The following SGCD variants were observed in gnomAD, a reference collection of about 807,000 sequenced individuals.
The protein encoded by SGCD is sarcoglycan delta, also known as delta-sarcoglycan.
A neutral mutation model predicts 36.6 loss-of-function variants in SGCD; 18 were observed. That is an observed-to-expected ratio of 0.49 (90% CI 0.34 to 0.73). The LOEUF (loss-of-function observed/expected upper bound fraction) is 0.73. Ranked by LOEUF, SGCD falls within the 30% of genes least tolerant of loss-of-function variation. The pLI is 0.01. For missense variants in SGCD, 387 were observed against 346.7 expected (o/e 1.12, Z -0.92); for synonymous variants, 133 against 130.6 (o/e 1.02, Z -0.12).
At chr5:156,092,033 G>C (rs966173496) in intron 1 of SGCD, among the ~76,000 whole-genome samples, 2 of 152,216 alleles carry the variant, frequency 1.3e-5, no homozygotes, top group African/African-American at 4.8e-5. Flanking sequence ...GCTTCTGGGG[G>C]TCCAGCAATC....
intron 7 of SGCD, among the ~76,000 whole-genome samples, chr5:156,669,519 C>T (rs1365751808): frequency 2.0e-5 from 3 of 152,158 alleles, no homozygotes; most frequent in Middle Eastern, 3.4e-3. Context: ...TAAGGATAAG[C>T]AGTTTGAAAG....
At chr5:156,695,527 A>AGATAGATAGATAGATAGATG (rs1754284387) in intron 7 of SGCD, among the ~76,000 whole-genome samples, 2 of 53,034 alleles carry the variant, frequency 3.8e-5, no homozygotes, top group African/African-American at 8.1e-5. Flanking sequence ...ATAGATAGAT[A>AGATAGATAGATAGATAGATG]GATAGATAGA....
intron 3 of SGCD, among the ~76,000 whole-genome samples, chr5:156,257,700 C>T (rs1310673920): frequency 6.6e-6 from 1 of 151,934 alleles, no homozygotes; most frequent in Non-Finnish European, 1.5e-5. Context: ...CCCGTGTCTA[C>T]TAAAAACACA....
the SGCD span, among the ~76,000 whole-genome samples, chr5:155,778,553 C>T: frequency 6.6e-6 from 1 of 152,120 alleles, no homozygotes; most frequent in Admixed American, 6.6e-5. Flanking sequence ...ATTGTTAACA[C>T]GGAAATGCCA....
At chr5:156,086,181 T>C (rs190338121) in intron 1 of SGCD, among the ~76,000 whole-genome samples, 2 of 152,274 alleles carry the variant, frequency 1.3e-5, no homozygotes, top group African/African-American at 4.8e-5. Flanking sequence ...TTGTCTTATA[T>C]AGCAGAATGC....
At chr5:156,109,129 A>G (rs1761721823) in intron 1 of SGCD, among the ~76,000 whole-genome samples, 2 of 152,202 alleles carry the variant, frequency 1.3e-5, no homozygotes, top group South Asian at 4.1e-4. Context: ...AAAATTTGAC[A>G]GGTGGCTCCT....
chr5:155,819,318 A>G, the SGCD span, among the ~76,000 whole-genome samples: 1 of 152,126 alleles, frequency 6.6e-6, no homozygotes, highest in African/African-American at 2.4e-5. Flanking sequence ...CTCTTTCCAA[A>G]TGAGAATAAC....
chr5:156,488,136 T>A lies in SGCD; in HGVS notation c.193-20465T>A, dbSNP rs1233768908. On this transcript the variant is annotated intron_variant, in intron 3 of 8. Transcript: ENST00000337851. ...TTTTTTTTTTTTTTAAATAACCCAG[T>A]TAGACAAAAAATAAAAAGAAAACAG... 3.0e-5 allele frequency among the ~76,000 whole-genome samples: 4 copies of A among 133,220 alleles called. No homozygotes were observed. The South Asian group carries it at 9.3e-4, about 31-fold the overall frequency. 87.4% of individuals were successfully genotyped at this position (133,220 alleles called of 152,430 possible).
chr5:156,574,426 C>T (rs17640346), intron 4 of SGCD, among the ~76,000 whole-genome samples: 35,296 of 152,094 alleles, frequency 0.23, 4,699 homozygotes, highest in Non-Finnish European at 0.31. Context: ...GGTACTGTTA[C>T]TATCTCCATT....
At chr5:156,566,353 A>G (rs1306339025) in intron 4 of SGCD, among the ~76,000 whole-genome samples, 1 of 152,204 alleles carries the variant, frequency 6.6e-6, no homozygotes, top group Non-Finnish European at 1.5e-5. Flanking sequence ...TTTAGATGGC[A>G]TGCTATTTTA....
At chr5:156,729,282 C>T (rs1329768500) in intron 7 of SGCD, among the ~76,000 whole-genome samples, 1 of 152,162 alleles carries the variant, frequency 6.6e-6, no homozygotes, top group Non-Finnish European at 1.5e-5. Context: ...AGAACAAGTC[C>T]TTCTTATAGC....
chr5:156,045,775 C>A (rs960116000), intron 1 of SGCD, among the ~76,000 whole-genome samples: 2 of 152,130 alleles, frequency 1.3e-5, no homozygotes, highest in African/African-American at 4.8e-5. Flanking sequence ...CCTGAAGACA[C>A]TAATCCTATC....
At chr5:156,729,321 C>T (rs760020252) in intron 7 of SGCD, among the ~76,000 whole-genome samples, 1 of 152,192 alleles carries the variant, frequency 6.6e-6, no homozygotes, top group Non-Finnish European at 1.5e-5. Flanking sequence ...CCCTGACTGG[C>T]ATTGACAGTA....
At chr5:155,962,138 C>A (rs1017453617) in intron 1 of SGCD, among the ~76,000 whole-genome samples, 7 of 152,050 alleles carry the variant, frequency 4.6e-5, no homozygotes, top group Admixed American at 2.6e-4. Context: ...AGTTACATAG[C>A]AGTCAGGGGG....
intron 4 of SGCD, among the ~76,000 whole-genome samples, chr5:156,565,759 A>C (rs1001451195): frequency 2.0e-5 from 3 of 151,874 alleles, no homozygotes; most frequent in South Asian, 4.2e-4. Context: ...ATGTGTTCTC[A>C]TAGTTCAACT....
At chr5:156,120,410 TG>T (rs1374897833) in intron 2 of SGCD, among the ~76,000 whole-genome samples, 3 of 152,176 alleles carry the variant, frequency 2.0e-5, no homozygotes, top group Non-Finnish European at 4.4e-5. Context: ...TGTAGGAATT[TG>T]TCATGTCTAC....
chr5:156,615,393 T>C (rs1439033851), intron 6 of SGCD, among the ~76,000 whole-genome samples: 1 of 152,244 alleles, frequency 6.6e-6, no homozygotes, highest in Non-Finnish European at 1.5e-5. Context: ...AGTTACATTA[T>C]TATCAATTGA....
At chr5:156,444,668 C>T (rs548012276) in intron 3 of SGCD, among the ~76,000 whole-genome samples, 16 of 152,086 alleles carry the variant, frequency 1.1e-4, no homozygotes, top group Non-Finnish European at 2.1e-4. Flanking sequence ...AAGGTTCTGT[C>T]CTGAAACTAC....
At chr5:156,282,330 C>A (rs1321398327) in intron 3 of SGCD, among the ~76,000 whole-genome samples, 2 of 152,132 alleles carry the variant, frequency 1.3e-5, no homozygotes, top group African/African-American at 2.4e-5. Context: ...CAAAACAGAG[C>A]TGTAGTGTTT....
Sources: gnomAD v4.1 joint callset for allele counts (sites outside exome capture counted in the v4.1 genomes callset) on GRCh38, gnomAD v4.1.1 for gene constraint, MANE v1.5 for transcripts, NCBI Gene and HGNC (gene_info 2026-07-23, HGNC 2026-07-21) for gene names.